RIMS1: variants seen among roughly 807,000 people sequenced by gnomAD.
RIMS1 encodes the protein regulating synaptic membrane exocytosis 1.
A neutral mutation model predicts 214.1 loss-of-function variants in RIMS1; 83 were observed. That is an observed-to-expected ratio of 0.39 (90% CI 0.32 to 0.47). The LOEUF is 0.47. Among genes scored for constraint, RIMS1 ranks in the 20% least tolerant of loss-of-function variants. The probability of loss-of-function intolerance (pLI) is 0.99; values close to 1 mark genes in which losing one functional copy is unlikely to be tolerated. For synonymous variants in RIMS1, 793 were observed against 786.8 expected (o/e 1.01, Z -0.13); for missense variants, 2,050 against 2,161.8 (o/e 0.95, Z 1.03).
intron 6 of RIMS1, 94 bp downstream of exon 6, chr6:72,183,243 T>C (rs992305028): frequency 2.4e-5 from 31 of 1,282,208 alleles, no homozygotes; most frequent in Non-Finnish European, 3.4e-5. Context: ...GGTTCAGCAT[T>C]GAGGCTGGGA....
intron 23 of RIMS1, 75 bp from the exon 24 acceptor site, chr6:72,283,972 A>G (rs2091359640): frequency 9.2e-6 from 11 of 1,197,870 alleles, no homozygotes; most frequent in South Asian, 2.5e-5. Flanking sequence ...TTTCATGTCT[A>G]TTGTGTTTAT....
intron 4 of RIMS1, among the ~76,000 whole-genome samples, chr6:72,156,704 C>T (rs2496557): frequency 0.98 from 136,492 of 139,572 alleles, 66,971 homozygotes; most frequent in East Asian, 1. Flanking sequence ...GTGGTAATCA[C>T]TTTACAATGT....
At chr6:72,029,257 T>C (rs955279953) in intron 2 of RIMS1, among the ~76,000 whole-genome samples, 2 of 152,186 alleles carry the variant, frequency 1.3e-5, no homozygotes, top group African/African-American at 4.8e-5. Flanking sequence ...GAAAAAATAC[T>C]TTGTGATTTT....
chr6:72,263,205 G>A (rs979162478), intron 19 of RIMS1: 54 of 985,048 alleles, frequency 5.5e-5, no homozygotes, highest in Non-Finnish European at 6.5e-5. Flanking sequence ...GCATATTAAA[G>A]TCATGTTCTA....
intron 1 of RIMS1, among the ~76,000 whole-genome samples, chr6:71,895,871 G>A (rs949129910): frequency 7.2e-5 from 11 of 152,100 alleles, no homozygotes; most frequent in Non-Finnish European, 1.5e-4. Context: ...TCCACATTTA[G>A]AGGTTCTATC....
chr6:72,051,893 T>C (rs1164096264), intron 2 of RIMS1, among the ~76,000 whole-genome samples: 1 of 152,128 alleles, frequency 6.6e-6, no homozygotes, highest in Non-Finnish European at 1.5e-5. Context: ...CACCCAAGCA[T>C]AATCAGTAGT....
At chr6:72,305,937 A>T (rs1349922824) in intron 26 of RIMS1, among the ~76,000 whole-genome samples, 1 of 152,154 alleles carries the variant, frequency 6.6e-6, no homozygotes, top group South Asian at 2.1e-4. Flanking sequence ...ACACTTAGCC[A>T]CAAATTCCAA....
chr6:71,907,859 T>G (rs1582309809), intron 1 of RIMS1, among the ~76,000 whole-genome samples: 1 of 152,248 alleles, frequency 6.6e-6, no homozygotes, highest in South Asian at 2.1e-4. Context: ...TTTATGAAAA[T>G]TTTCTAAAAG....
At chr6:72,164,535 C>T (rs1231882404) in intron 4 of RIMS1, among the ~76,000 whole-genome samples, 3 of 152,208 alleles carry the variant, frequency 2.0e-5, no homozygotes, top group East Asian at 1.9e-4. Context: ...CTTGGCTCCA[C>T]AAAAGTTTGT....
At position 71,886,876 on chromosome 6, in the gene RIMS1, G is replaced by A. The variant is rs1366639890; in HGVS notation, c.-148G>A. On this transcript the variant is annotated 5_prime_UTR_variant, in exon 1 of 34. Coordinates refer to ENST00000521978, the MANE Select transcript of RIMS1 (RefSeq NM_014989.7). ...TCTCGCTCTCCCCGGCTCTGCTGCT[G>A]CTGCTGCTGCCGCCGCCGCCGCTGC... 1.2e-6 allele frequency: 1 copy of A among 801,990 alleles called. No individual in the cohort carries two copies. The highest frequency in any genetic ancestry group is 1.7e-5 in the African/African-American group (1 of 58,114). The allele number at this position is 801,990 out of a possible 1,614,324, so 49.7% of individuals were successfully genotyped here. A position where few individuals can be genotyped will look rare whatever the true frequency, so the allele number is the denominator to read the frequency against.
At chr6:72,285,581 T>C (rs1346394312) in intron 24 of RIMS1, among the ~76,000 whole-genome samples, 1 of 152,140 alleles carries the variant, frequency 6.6e-6, no homozygotes, top group African/African-American at 2.4e-5. Flanking sequence ...TGATTCACAA[T>C]GGAATAAGGA....
At chr6:72,360,267 A>G (rs185889348) in intron 29 of RIMS1, among the ~76,000 whole-genome samples, 3 of 152,344 alleles carry the variant, frequency 2.0e-5, no homozygotes, top group South Asian at 4.1e-4. Flanking sequence ...GACTATAAAC[A>G]CCCTCTGAAT....
At chr6:71,910,403 G>A (rs1450933907) in intron 1 of RIMS1, among the ~76,000 whole-genome samples, 3 of 152,100 alleles carry the variant, frequency 2.0e-5, no homozygotes, top group African/African-American at 7.2e-5. Flanking sequence ...TGCTGACTAT[G>A]GGATCCCTGG....
chr6:72,090,912 A>G (rs1016222071), intron 2 of RIMS1, among the ~76,000 whole-genome samples: 3 of 152,122 alleles, frequency 2.0e-5, no homozygotes, highest in Non-Finnish European at 4.4e-5. Context: ...TAATCAGTCC[A>G]TCGTTCTCAG....
chr6:72,310,702 A>ATT (rs2095468577), intron 27 of RIMS1, among the ~76,000 whole-genome samples: 2 of 152,078 alleles, frequency 1.3e-5, no homozygotes, highest in South Asian at 4.1e-4. Flanking sequence ...CTCAAAATAT[A>ATT]TTTTATGTAT....
intron 29 of RIMS1, among the ~76,000 whole-genome samples, chr6:72,341,394 T>C (rs1168233093): frequency 3.3e-5 from 5 of 151,828 alleles, no homozygotes; most frequent in Admixed American, 2.6e-4. Context: ...CTTCTCTAAT[T>C]CCAGTGGTTA....
In RIMS1 at chr6:72,359,844, G is replaced by A. The variant is rs570254614; in HGVS notation, c.4366+26009G>A. Among the ~76,000 whole-genome samples the A allele has an allele frequency of 2.0e-5, 3 of 152,232 alleles. No individual in the cohort carries two copies. In the East Asian group the frequency reaches 5.8e-4, roughly 29 times the overall value. On this transcript the variant is annotated intron_variant, in intron 29 of 33. Coordinates refer to ENST00000521978, the MANE Select transcript of RIMS1 (RefSeq NM_014989.7). ...ATGTTTTAAAGTGATTTCTTCCCATGAGCAGATATCTAAAGAATTATTGTC... is the reference window on the plus strand; with the variant it reads ...ATGTTTTAAAGTGATTTCTTCCCATAAGCAGATATCTAAAGAATTATTGTC...
At chr6:71,927,636 C>A (rs148154248) in intron 1 of RIMS1, among the ~76,000 whole-genome samples, 2 of 151,738 alleles carry the variant, frequency 1.3e-5, no homozygotes, top group Non-Finnish European at 2.9e-5. Flanking sequence ...TGAATTATAC[C>A]GAAGATTATT....
intron 24 of RIMS1, among the ~76,000 whole-genome samples, chr6:72,286,312 A>G (rs919296256): frequency 6.6e-6 from 1 of 152,220 alleles, no homozygotes; most frequent in Non-Finnish European, 1.5e-5. Context: ...ATGATAGATG[A>G]TGCCAGTGTC....
Sources: allele counts gnomAD v4.1 joint callset (sites outside exome capture counted in the v4.1 genomes callset), GRCh38; gene constraint gnomAD v4.1.1; transcripts MANE v1.5; gene names NCBI Gene and HGNC (gene_info 2026-07-23, HGNC 2026-07-21).